PDE7A: variants seen among roughly 807,000 people sequenced by gnomAD.
PDE7A encodes the protein high affinity 3',5'-cyclic-AMP phosphodiesterase 7A.
PDE7A carries 39 observed loss-of-function variants against 64.3 expected under a neutral mutation model. That is an observed-to-expected ratio of 0.61 (90% CI 0.47 to 0.79). The LOEUF (loss-of-function observed/expected upper bound fraction) is 0.79, where lower values mean the gene tolerates loss of function less well. PDE7A is among the 30% of genes least tolerant of loss of function. The pLI is 0.00. For synonymous variants in PDE7A, 203 were observed against 206.8 expected, an observed-to-expected ratio of 0.98 and a Z score of 0.16; for missense variants, 470 against 582.8, an observed-to-expected ratio of 0.81 and a Z score of 1.99.
Position 65,719,036 on chromosome 8 carries a change from G to T in PDE7A, c.*254C>A. 1 of 521,418 alleles carries T rather than the reference G, an allele frequency of 1.9e-6. No homozygotes were observed. The highest frequency in any genetic ancestry group is 3.4e-6 in the Non-Finnish European group (1 of 290,002). The allele number at this position is 521,418 out of a possible 1,614,324, so 32.3% of individuals were successfully genotyped here. ...AAAACTTCCTTTGTTACTCCTTTCG[G>T]ATTCTCTCCTGCTGGGCTTTGCATA... On this transcript the variant is annotated 3_prime_UTR_variant, in exon 13 of 13. Transcript: ENST00000401827.
In PDE7A at chr8:65,717,329, T is replaced by G. The variant is rs1210358576; in HGVS notation, c.*1961A>C. 1.3e-5 allele frequency among the ~76,000 whole-genome samples: 2 copies of G among 152,190 alleles called. No individual in the cohort carries two copies. Among genetic ancestry groups the G allele is most frequent in the Non-Finnish European group, 2.9e-5 (2 of 68,030 alleles). ...TTGTTTACAACTGATATCAATCAAG[T>G]AGAGTGGAGTGGCCTTTTCTTATCA... On this transcript the variant is annotated 3_prime_UTR_variant, in exon 13 of 13. Transcript: ENST00000401827.
chr8:65,829,302 C>G (rs937937818), intron 1 of PDE7A, among the ~76,000 whole-genome samples: 7 of 152,106 alleles, frequency 4.6e-5, no homozygotes, highest in African/African-American at 1.7e-4. Flanking sequence ...TTCAACAAAT[C>G]AAATGCTATC....
chr8:65,727,099 C>A, intron 8 of PDE7A, 71 bp downstream of exon 8: 10 of 1,092,228 alleles, frequency 9.2e-6, no homozygotes, highest in Non-Finnish European at 1.4e-5. Flanking sequence ...TCATTACTTT[C>A]ATTTCTTCAA....
chr8:65,764,684 T>C (rs936488974), intron 3 of PDE7A, among the ~76,000 whole-genome samples: 2 of 152,138 alleles, frequency 1.3e-5, no homozygotes, highest in Admixed American at 6.5e-5. Flanking sequence ...ATATAATCAG[T>C]ACGATATGAG....
chr8:65,725,784 T>C (rs1806582598), intron 9 of PDE7A, among the ~76,000 whole-genome samples: 1 of 152,098 alleles, frequency 6.6e-6, no homozygotes, highest in South Asian at 2.1e-4. Flanking sequence ...ATCTGAGAAC[T>C]CAACAGGGTT....
chr8:65,769,282 T>C (rs953255880), intron 3 of PDE7A, among the ~76,000 whole-genome samples: 1 of 147,588 alleles, frequency 6.8e-6, no homozygotes, highest in African/African-American at 2.5e-5. Flanking sequence ...AACAGATGCA[T>C]GCACATATTT....
At chr8:65,793,864 T>G (rs1809766746) in intron 1 of PDE7A, among the ~76,000 whole-genome samples, 1 of 152,174 alleles carries the variant, frequency 6.6e-6, no homozygotes, top group African/African-American at 2.4e-5. Flanking sequence ...AAAAACAGAA[T>G]TTGACTCTTA....
chr8:65,762,991 ATGTGTGTGTGTGTGTGTGTG>A (rs34371328), intron 3 of PDE7A, among the ~76,000 whole-genome samples: 133 of 138,614 alleles, frequency 9.6e-4, no homozygotes, highest in African/African-American at 1.8e-3. Context: ...TATAAAAACA[ATGTGTGTGTGTGTGTGTGTG>A]TGTGTGTGTG....
Position 65,781,837 on chromosome 8 carries a change from CT to C in PDE7A, c.199+945del, listed in dbSNP as rs538997602. On this transcript the variant is annotated intron_variant, in intron 2 of 12. Transcript: ENST00000401827. ...GCTCTGTCTTAAGGACAGCGGAATC[CT>C]GAACATGTTTGTTAGAGAAAGATGG... 2.5e-4 allele frequency among the ~76,000 whole-genome samples: 38 copies of C among 152,212 alleles called. 2 individuals are homozygous for C. The South Asian group carries it at 7.3e-3, about 29-fold the overall frequency.
chr8:65,755,516 C>T (rs935843882), intron 3 of PDE7A, among the ~76,000 whole-genome samples: 1 of 152,170 alleles, frequency 6.6e-6, no homozygotes, highest in Non-Finnish European at 1.5e-5. Context: ...ACAAACACTG[C>T]TCGTATGCAT....
intron 1 of PDE7A, among the ~76,000 whole-genome samples, chr8:65,825,780 T>C (rs1278809634): frequency 6.6e-6 from 1 of 152,214 alleles, no homozygotes; most frequent in Non-Finnish European, 1.5e-5. Flanking sequence ...CTATGTGATG[T>C]ACACTAGGGA....
At chr8:65,839,808 CT>C (rs1464205241) in intron 1 of PDE7A, among the ~76,000 whole-genome samples, 2 of 152,174 alleles carry the variant, frequency 1.3e-5, no homozygotes, top group African/African-American at 4.8e-5. Flanking sequence ...GGAAAAACCC[CT>C]GGCATCAGCC....
At chr8:65,770,751 G>A (rs1026485511) in intron 3 of PDE7A, among the ~76,000 whole-genome samples, 1 of 152,186 alleles carries the variant, frequency 6.6e-6, no homozygotes, top group Non-Finnish European at 1.5e-5. Flanking sequence ...AAGTTTAAAG[G>A]TGATACATAT....
chr8:65,835,466 TA>T (rs1460446786), intron 1 of PDE7A, among the ~76,000 whole-genome samples: 2 of 152,232 alleles, frequency 1.3e-5, no homozygotes, highest in Non-Finnish European at 2.9e-5. Context: ...TTAACGATCT[TA>T]GACAAAAATG....
intron 3 of PDE7A, among the ~76,000 whole-genome samples, chr8:65,755,171 C>A (rs762503366): frequency 6.6e-6 from 1 of 151,486 alleles, no homozygotes; most frequent in South Asian, 2.1e-4. Context: ...TAGGTGCATG[C>A]CACCACGCCC....
At chr8:65,818,979 C>G (rs1415057713) in intron 1 of PDE7A, among the ~76,000 whole-genome samples, 1 of 152,202 alleles carries the variant, frequency 6.6e-6, no homozygotes, top group Admixed American at 6.5e-5. Context: ...TGTGAGTAGC[C>G]TCAAGCTAGA....
chr8:65,792,229 G>A (rs1396211348), intron 1 of PDE7A, among the ~76,000 whole-genome samples: 2 of 152,106 alleles, frequency 1.3e-5, no homozygotes, highest in African/African-American at 2.4e-5. Flanking sequence ...TAATGCATAG[G>A]ATACACTTAA....
chr8:65,772,186 T>C (rs1809117423), intron 3 of PDE7A, among the ~76,000 whole-genome samples: 1 of 152,018 alleles, frequency 6.6e-6, no homozygotes, highest in African/African-American at 2.4e-5. Context: ...GTGCAGAAAA[T>C]AAGTGGGTTG....
chr8:65,768,607 TA>T (rs1214881114), intron 3 of PDE7A, among the ~76,000 whole-genome samples: 1 of 152,190 alleles, frequency 6.6e-6, no homozygotes, highest in East Asian at 1.9e-4. Context: ...ATCAGCAGCG[TA>T]AAAACAGACT....
Sources: allele counts gnomAD v4.1 joint callset (sites outside exome capture counted in the v4.1 genomes callset), GRCh38; gene constraint gnomAD v4.1.1; transcripts MANE v1.5; gene names NCBI Gene and HGNC (gene_info 2026-07-23, HGNC 2026-07-21).